MYO9B: variants seen among roughly 807,000 people sequenced by gnomAD.
MYO9B encodes unconventional myosin-IXb.
A neutral mutation model predicts 229.5 loss-of-function variants in MYO9B; 71 were observed. That is an observed-to-expected ratio of 0.31 (90% CI 0.26 to 0.38). The LOEUF (loss-of-function observed/expected upper bound fraction) is 0.38, where lower values mean the gene tolerates loss of function less well. MYO9B is among the 10% of genes least tolerant of loss of function. The pLI is 1.00. For missense variants in MYO9B, 2,255 were observed against 2,920.5 expected (o/e 0.77, Z 5.25); for synonymous variants, 1,185 against 1,235.8 (o/e 0.96, Z 0.86).
chr19:17,203,331 A>G, intron 30 of MYO9B, 73 bp downstream of exon 30: 1 of 1,216,636 alleles, frequency 8.2e-7, no homozygotes, highest in Non-Finnish European at 1.2e-6. Flanking sequence ...AGAGGTCTTC[A>G]GGGCCAGGCG....
At chr19:17,152,731 C>G in intron 4 of MYO9B, 25 bp downstream of exon 4, 1 of 1,584,894 alleles carries the variant, frequency 6.3e-7, no homozygotes, top group Non-Finnish European at 8.7e-7. Context: ...TCCCAGGAAT[C>G]TCTGAATGCC....
intron 24 of MYO9B, among the ~76,000 whole-genome samples, chr19:17,198,734 CAAAA>C (rs59292415): frequency 7.3e-5 from 3 of 41,216 alleles, no homozygotes; most frequent in Non-Finnish European, 1.5e-4. Flanking sequence ...GACTCCGTCT[CAAAA>C]AAAAAAAAAA....
chr19:17,089,929 C>T (rs1364478196), intron 1 of MYO9B, among the ~76,000 whole-genome samples: 2 of 152,042 alleles, frequency 1.3e-5, no homozygotes, highest in Admixed American at 6.6e-5. Context: ...CATCACTCCC[C>T]ACTCCTCATC....
chr19:17,155,018 G>A (rs113164659), intron 6 of MYO9B, among the ~76,000 whole-genome samples: 1,785 of 152,074 alleles, frequency 0.012, 39 homozygotes, highest in African/African-American at 0.039. Flanking sequence ...TGTAATCACA[G>A]TGCTTTGGAA....
Position 17,123,459 on chromosome 19 carries a change from T to TGTGTGTGTGA in MYO9B, c.840+20903_840+20904insTGTGTGTGAG, listed in dbSNP as rs918388744. ...GTGTGTGTGTGTGTGTGTGTGTGTG[T>TGTGTGTGTGA]GATGGAGTTTCACTCTTGTCACCCA... is the stretch of plus-strand genomic sequence containing the variant. On this transcript the variant is annotated intron_variant, in intron 2 of 39. Coordinates refer to ENST00000682292, the MANE Select transcript of MYO9B (RefSeq NM_004145.4). Among the ~76,000 whole-genome samples the TGTGTGTGTGA allele has an allele frequency of 2.0e-5, 3 of 149,440 alleles. No homozygotes were observed. In the East Asian group the frequency reaches 5.9e-4, roughly 29 times the overall value.
At chr19:17,126,823 C>T (rs1238559338) in intron 2 of MYO9B, among the ~76,000 whole-genome samples, 2 of 151,234 alleles carry the variant, frequency 1.3e-5, no homozygotes, top group South Asian at 4.2e-4. Context: ...ACCACCATGC[C>T]CGGCTAATTT....
chr19:17,185,555 A>AAAC (rs1555702433), intron 17 of MYO9B, among the ~76,000 whole-genome samples: 3 of 150,626 alleles, frequency 2.0e-5, no homozygotes, highest in African/African-American at 7.4e-5. Flanking sequence ...TCAAAAAAAA[A>AAAC]AAAACAAAAC....
intron 24 of MYO9B, among the ~76,000 whole-genome samples, chr19:17,199,831 C>T (rs2073087929): frequency 6.6e-6 from 1 of 151,036 alleles, no homozygotes; most frequent in African/African-American, 2.4e-5. Flanking sequence ...TAGGCGTGAG[C>T]CACCATACCC....
chr19:17,172,207 T>C lies in MYO9B; in HGVS notation c.1794-129T>C. 1 of 1,191,380 alleles carries C rather than the reference T, an allele frequency of 8.4e-7. No individual in the cohort carries two copies. Among genetic ancestry groups the C allele is most frequent in the Non-Finnish European group, 1.2e-6 (1 of 856,658 alleles). The allele number at this position is 1,191,380 out of a possible 1,614,324, so 73.8% of individuals were successfully genotyped here. ...CCACCCCTCTGTGCACAGAGCCCTG[T>C]GCCACTTCACTGCTCTGCCCACCCC... On this transcript the variant is annotated intron_variant, in intron 11 of 39. Coordinates refer to ENST00000682292, the MANE Select transcript of MYO9B (RefSeq NM_004145.4). The surrounding 1 kb of genome is among the most constrained non-coding windows in gnomAD (Gnocchi z 8.2).
At position 17,094,015 on chromosome 19, in the gene MYO9B, TTTGTTG is replaced by T. The variant is rs141113380; in HGVS notation, c.-58-7612_-58-7607del. Among the ~76,000 whole-genome samples, 284 of 148,636 alleles carry T rather than the reference TTTGTTG, an allele frequency of 1.9e-3. 3 individuals are homozygous for T. The highest frequency in any genetic ancestry group is 0.015 in the Admixed American group (218 of 14,842). Reference sequence around the variant, plus strand: ...GTAGGCATGAGCCACTGCAGCTGGCTTTGTTGTTGTTGTTGTTGTTGTTGTTGTTGT... The same window carrying T: ...GTAGGCATGAGCCACTGCAGCTGGCTTTGTTGTTGTTGTTGTTGTTGTTGT... On this transcript the variant is annotated intron_variant, in intron 1 of 39. Transcript: ENST00000682292.
chr19:17,207,040 G>A, intron 34 of MYO9B, 73 bp from the exon 35 acceptor site: 1 of 1,562,936 alleles, frequency 6.4e-7, no homozygotes, highest in African/African-American at 1.4e-5. Flanking sequence ...GGGCTCAGAA[G>A]TTCAGTCTCG....
intron 13 of MYO9B, among the ~76,000 whole-genome samples, chr19:17,174,252 C>T (rs1032195518): frequency 4.0e-5 from 6 of 151,782 alleles, no homozygotes; most frequent in Non-Finnish European, 7.4e-5. Flanking sequence ...AGGATGGTCT[C>T]GATCTCCTGA....
rs761038515 is a variant in MYO9B, at chr19:17,125,741, C to T, written c.841-19656C>T. ...CACTCAGCTCTCTGTACATCCCTGC[C>T]GTCCGTCCATCTGACCAGCAACCAG... is the stretch of plus-strand genomic sequence containing the variant. On this transcript the variant is annotated intron_variant, in intron 2 of 39. Coordinates refer to ENST00000682292, the MANE Select transcript of MYO9B (RefSeq NM_004145.4). Among the ~76,000 whole-genome samples the T allele has an allele frequency of 1.2e-4, 19 of 152,150 alleles. 1 individual carries two copies. The highest frequency in any genetic ancestry group is 4.4e-5 in the Non-Finnish European group (3 of 68,026).
At chr19:17,143,987 A>G (rs937361426) in intron 2 of MYO9B, among the ~76,000 whole-genome samples, 5 of 152,176 alleles carry the variant, frequency 3.3e-5, no homozygotes, top group African/African-American at 9.6e-5. Context: ...GGGTGACAAA[A>G]TAATCTGTAC....
At chr19:17,197,445 T>TAGATAGATACATAGATAGATAGATAGAC (rs1156939570) in intron 22 of MYO9B, among the ~76,000 whole-genome samples, 2,804 of 150,712 alleles carry the variant, frequency 0.019, 46 homozygotes, top group African/African-American at 0.043. Flanking sequence ...GATAGATAGA[T>TAGATAGATACATAGATAGATAGATAGAC]AGATACATAG....
chr19:17,212,292 GGGCCAGACCAA>G lies in MYO9B; in HGVS notation c.6457_6467del (p.Gly2153TrpfsTer43). 6.6e-7 allele frequency: 1 copy of G among 1,517,556 alleles called. No individual in the cohort carries two copies. The highest frequency in any genetic ancestry group is 8.8e-7 in the Non-Finnish European group (1 of 1,141,142). 94.0% of individuals were successfully genotyped at this position (1,517,556 alleles called of 1,614,324 possible). A position where few individuals can be genotyped will look rare whatever the true frequency, so the allele number is the denominator to read the frequency against. ...CAACGTACTGCCTGCCCCCCGCCTC[GGGCCAGACCAA>G]TGGCTGAGAGCCACAGCTGACAAAG... On this transcript the variant is annotated frameshift_variant, in exon 40 of 40. Coordinates refer to ENST00000682292, the MANE Select transcript of MYO9B (RefSeq NM_004145.4). LOFTEE classifies it high-confidence loss of function. The surrounding 1 kb of genome is among the most constrained non-coding windows in gnomAD (Gnocchi z 5.4).
intron 3 of MYO9B, 107 bp from the exon 4 acceptor site, chr19:17,152,537 T>C: frequency 1.1e-6 from 1 of 877,580 alleles, no homozygotes; most frequent in South Asian, 1.7e-5. Context: ...TACTCCAGCC[T>C]GAACAACAGA....
At chr19:17,136,095 C>T (rs750909035) in intron 2 of MYO9B, among the ~76,000 whole-genome samples, 1 of 149,002 alleles carries the variant, frequency 6.7e-6, no homozygotes, top group Admixed American at 6.8e-5. Flanking sequence ...TGAGCCCCTT[C>T]CTGGGACGTT....
At chr19:17,163,911 G>T (rs2072631902) in intron 10 of MYO9B, among the ~76,000 whole-genome samples, 1 of 152,122 alleles carries the variant, frequency 6.6e-6, no homozygotes, top group South Asian at 2.1e-4. Context: ...TCCAGCTTTT[G>T]GCTATTGTGC....
Sources: allele counts gnomAD v4.1 joint callset (sites outside exome capture counted in the v4.1 genomes callset), GRCh38; gene constraint gnomAD v4.1.1; non-coding constraint Gnocchi (gnomAD v3.1); transcripts MANE v1.5; gene names NCBI Gene and HGNC (gene_info 2026-07-23, HGNC 2026-07-21).